Variants in PDE4D observed in about 807,000 individuals in gnomAD.
PDE4D encodes the protein 3',5'-cyclic-AMP phosphodiesterase 4D.
PDE4D carries 24 observed loss-of-function variants against 87.4 expected under a neutral mutation model. The observed-to-expected ratio is 0.27, with a 90% CI of 0.20 to 0.39. PDE4D has a LOEUF of 0.39. Ranked by LOEUF, PDE4D falls within the 10% of genes least tolerant of loss-of-function variation. The pLI is 1.00. For missense variants in PDE4D, 714 were observed against 1,041.0 expected (o/e 0.69, Z 4.32); for synonymous variants, 384 against 383.2 (o/e 1.00, Z -0.02).
chr5:59,482,477 T>C (rs542598697), intron 1 of PDE4D, among the ~76,000 whole-genome samples: 211 of 152,262 alleles, frequency 1.4e-3, no homozygotes, highest in South Asian at 2.7e-3. Context: ...ATTTCAGATA[T>C]TCAGGCAAAA....
chr5:59,036,893 G>A (rs1758617133), intron 6 of PDE4D, among the ~76,000 whole-genome samples: 1 of 151,976 alleles, frequency 6.6e-6, no homozygotes, highest in Non-Finnish European at 1.5e-5. Context: ...ACTACATTTT[G>A]AAAAAATTAT....
At chr5:59,586,528 C>T (rs1284932008) in intron 1 of PDE4D, 1 of 1,423,002 alleles carries the variant, frequency 7.0e-7, no homozygotes, top group Non-Finnish European at 9.2e-7. Context: ...AAAATCTCCC[C>T]CCACCAATAA....
intron 2 of PDE4D, among the ~76,000 whole-genome samples, chr5:60,107,560 G>A (rs1184718428): frequency 6.6e-6 from 1 of 152,094 alleles, no homozygotes; most frequent in African/African-American, 2.4e-5. Context: ...AACCAAAAAA[G>A]AGAATTTTAG....
intron 1 of PDE4D, among the ~76,000 whole-genome samples, chr5:59,611,714 T>C (rs1829030327): frequency 6.6e-6 from 1 of 152,334 alleles, no homozygotes; most frequent in South Asian, 2.1e-4. Flanking sequence ...ACTTAGCTTA[T>C]TGTCCCAATC....
At chr5:60,337,388 T>TAC (rs370108536) in intron 1 of PDE4D, among the ~76,000 whole-genome samples, 2,176 of 89,204 alleles carry the variant, frequency 0.024, 79 homozygotes, top group Admixed American at 0.043. Context: ...TATATATATA[T>TAC]ACACACACAC....
intron 1 of PDE4D, among the ~76,000 whole-genome samples, chr5:59,607,578 A>G (rs769507388): frequency 1.6e-4 from 24 of 152,068 alleles, no homozygotes; most frequent in Non-Finnish European, 7.4e-5. Flanking sequence ...AAGAGCAGAG[A>G]AATGCAAACA....
chr5:59,117,807 C>CTT (rs201039884), intron 5 of PDE4D, among the ~76,000 whole-genome samples: 13,441 of 141,944 alleles, frequency 0.095, 748 homozygotes, highest in Non-Finnish European at 0.12. Context: ...AGGTTTTTAA[C>CTT]TTTTTTTTTT....
chr5:59,616,035 T>G (rs773133055), intron 1 of PDE4D, among the ~76,000 whole-genome samples: 8 of 151,980 alleles, frequency 5.3e-5, no homozygotes, highest in Non-Finnish European at 1.0e-4. Context: ...TAGTTACATA[T>G]GTATACATGT....
At chr5:59,705,869 AT>A (rs763351730) in intron 1 of PDE4D, among the ~76,000 whole-genome samples, 197 of 152,298 alleles carry the variant, frequency 1.3e-3, no homozygotes, top group Non-Finnish European at 2.4e-3. Flanking sequence ...AAAGTGGTGG[AT>A]TATAGCACAA....
intron 5 of PDE4D, among the ~76,000 whole-genome samples, chr5:59,131,645 C>CACACAT (rs60337924): frequency 0.035 from 5,173 of 146,276 alleles, 229 homozygotes; most frequent in African/African-American, 0.065. Flanking sequence ...CACACACACA[C>CACACAT]ATTAATGAGA....
chr5:60,515,601 CT>C (rs954970783), intron 1 of PDE4D, among the ~76,000 whole-genome samples: 7,264 of 106,716 alleles, frequency 0.068, 546 homozygotes, highest in African/African-American at 0.21. Context: ...TTTTCTTTTT[CT>C]TTTTTTTTTT....
At chr5:59,698,159 G>A (rs1167564038) in intron 1 of PDE4D, among the ~76,000 whole-genome samples, 1 of 152,094 alleles carries the variant, frequency 6.6e-6, no homozygotes, top group East Asian at 1.9e-4. Flanking sequence ...AAAGAAACTG[G>A]ACTTTGGCTT....
intron 6 of PDE4D, among the ~76,000 whole-genome samples, chr5:59,033,412 T>C (rs1472907711): frequency 1.3e-5 from 2 of 152,206 alleles, no homozygotes; most frequent in African/African-American, 2.4e-5. Context: ...ATGTAAAAAC[T>C]GCTCCCCTAC....
intron 2 of PDE4D, among the ~76,000 whole-genome samples, chr5:60,065,479 T>C (rs1013334579): frequency 6.6e-6 from 1 of 152,146 alleles, no homozygotes; most frequent in East Asian, 1.9e-4. Context: ...GGTACATGTG[T>C]ACAATGTGCA....
intron 1 of PDE4D, among the ~76,000 whole-genome samples, chr5:59,810,790 T>C (rs2152678489): frequency 6.6e-6 from 1 of 152,366 alleles, no homozygotes. Flanking sequence ...TTAATGGCTA[T>C]TTGTACTTTT....
intron 3 of PDE4D, among the ~76,000 whole-genome samples, chr5:59,929,143 G>C (rs1755611766): frequency 1.3e-5 from 2 of 151,962 alleles, no homozygotes; most frequent in Admixed American, 1.3e-4. Context: ...AAATGCAGCA[G>C]TTTTGCATGT....
intron 1 of PDE4D, among the ~76,000 whole-genome samples, chr5:60,352,790 A>G (rs1759312081): frequency 6.6e-6 from 1 of 152,196 alleles, no homozygotes; most frequent in Non-Finnish European, 1.5e-5. Context: ...CATTGATTAG[A>G]GGGAAAATAT....
At chr5:59,208,909 G>A (rs1749447588) in intron 2 of PDE4D, among the ~76,000 whole-genome samples, 1 of 152,114 alleles carries the variant, frequency 6.6e-6, no homozygotes, top group Non-Finnish European at 1.5e-5. Flanking sequence ...TTAATAGCTA[G>A]TATTAATGCC....
chr5:59,787,179 T>C (rs1765266540), intron 1 of PDE4D, among the ~76,000 whole-genome samples: 2 of 152,232 alleles, frequency 1.3e-5, no homozygotes, highest in African/African-American at 4.8e-5. Flanking sequence ...TCTTCCTCTA[T>C]TTCATGGTAG....
Sources: gnomAD v4.1 joint callset for allele counts (sites outside exome capture counted in the v4.1 genomes callset) on GRCh38, gnomAD v4.1.1 for gene constraint, MANE v1.5 for transcripts, NCBI Gene and HGNC (gene_info 2026-07-23, HGNC 2026-07-21) for gene names.